The following MMD2 variants were observed in gnomAD, a reference collection of about 807,000 sequenced individuals.
The protein encoded by MMD2 is monocyte to macrophage differentiation associated 2, also known as monocyte to macrophage differentiation factor 2.
A neutral mutation model predicts 33.5 loss-of-function variants in MMD2; 30 were observed. That is an observed-to-expected ratio of 0.90 (90% CI 0.67 to 1.22). The LOEUF is 1.22. Among genes scored for constraint, MMD2 ranks in the 50% most tolerant of loss-of-function variants. The pLI is 0.00. For missense variants in MMD2, 364 were observed against 325.4 expected (o/e 1.12, Z -0.91); for synonymous variants, 129 against 123.0 (o/e 1.05, Z -0.32).
rs1195222326 is a variant in MMD2 at position 4,907,506 on chromosome 7, C to A, written c.631G>T (p.Ala211Ser). Residue 211 changes from alanine (A) to serine (S), a missense_variant, in exon 7 of 7, where the codon GCC becomes TCC. By Grantham distance (99) the Ala-to-Ser change is moderately conservative. Transcript: ENST00000401401. ...ACAAAGAGATGCCAGATGGCGTGGG[C>A]AAAGGGGATCCTCCCGTCACTCTTG... ...FFKSDGRIPF[A>S]HAIWHLFVAF... 8.7e-6 allele frequency: 14 copies of A among 1,613,898 alleles called. No individual in the cohort carries two copies. The highest frequency in any genetic ancestry group is 1.3e-5 in the African/African-American group (1 of 75,056).
downstream of MMD2, among the ~76,000 whole-genome samples, chr7:4,903,478 A>C (rs533471568): frequency 4.5e-4 from 69 of 152,148 alleles, no homozygotes; most frequent in African/African-American, 1.5e-3. Context: ...CGCCACTCAC[A>C]CCACACCTTC....
intron 1 of MMD2, among the ~76,000 whole-genome samples, chr7:4,938,362 C>T (rs1184821455): frequency 6.6e-6 from 1 of 152,020 alleles, no homozygotes. Context: ...GATCTAGGGA[C>T]TGTGTCTGGT....
intron 1 of MMD2, among the ~76,000 whole-genome samples, chr7:4,933,141 C>T (rs1193564067): frequency 2.0e-5 from 3 of 152,012 alleles, no homozygotes; most frequent in Non-Finnish European, 2.9e-5. Flanking sequence ...TTTGGGAGGC[C>T]GAGGCGAGAG....
At chr7:4,949,672 T>C (rs2115157911) in intron 1 of MMD2, among the ~76,000 whole-genome samples, 1 of 151,960 alleles carries the variant, frequency 6.6e-6, no homozygotes, top group East Asian at 1.9e-4. Context: ...CCACCACACC[T>C]GGCTAATTTT....
chr7:4,915,590 A>G (rs1297265396), intron 4 of MMD2, among the ~76,000 whole-genome samples: 1 of 151,848 alleles, frequency 6.6e-6, no homozygotes, highest in Admixed American at 6.6e-5. Context: ...AAATACAAAA[A>G]TTAGCTGGGC....
intron 1 of MMD2, among the ~76,000 whole-genome samples, chr7:4,933,749 C>T (rs1785659460): frequency 6.6e-6 from 1 of 151,996 alleles, no homozygotes; most frequent in Non-Finnish European, 1.5e-5. Flanking sequence ...CCTCCTGCCT[C>T]AGCCTCCCAA....
the MMD2 span, among the ~76,000 whole-genome samples, chr7:4,895,044 G>C: frequency 3.3e-5 from 5 of 151,168 alleles, no homozygotes; most frequent in African/African-American, 1.2e-4. Flanking sequence ...ACGCTCAGCC[G>C]CTTGCATCCC....
rs995725426 is a variant in MMD2, at chr7:4,910,011, C to A, written c.468-61G>T. The A allele has an allele frequency of 3.1e-6, 5 of 1,613,838 alleles. No individual in the cohort carries two copies. Among genetic ancestry groups the A allele is most frequent in the Non-Finnish European group, 4.2e-6 (5 of 1,179,912 alleles). ...TGCCTCCCCACGAAGAAACTGCACA[C>A]AGCTCCCTGTTCTTGGGGAAGAGGG... On this transcript the variant is annotated intron_variant, in intron 5 of 6. Coordinates refer to ENST00000401401, the MANE Select transcript of MMD2 (RefSeq NM_198403.4).
chr7:4,920,423 G>C, intron 2 of MMD2, 92 bp from the exon 3 acceptor site: 1 of 1,302,576 alleles, frequency 7.7e-7, no homozygotes, highest in South Asian at 1.4e-5. Context: ...GCCCAACGTG[G>C]CAGCACTCGG....
At chr7:4,913,381 C>G (rs1170319600) in intron 4 of MMD2, among the ~76,000 whole-genome samples, 4 of 152,140 alleles carry the variant, frequency 2.6e-5, no homozygotes, top group Non-Finnish European at 5.9e-5. Context: ...ATAAAATTCA[C>G]TTGGACTCTA....
chr7:4,909,789 A>G, intron 6 of MMD2, 92 bp downstream of exon 6: 1 of 1,520,402 alleles, frequency 6.6e-7, no homozygotes, highest in Non-Finnish European at 8.9e-7. Context: ...CTGCCAAAGG[A>G]GAGGGTTTGT....
At chr7:4,917,281 G>T (rs551364957) in intron 3 of MMD2, among the ~76,000 whole-genome samples, 10 of 152,208 alleles carry the variant, frequency 6.6e-5, no homozygotes, top group South Asian at 6.2e-4. Context: ...TGTAAAACAC[G>T]GAGGATGCCA....
chr7:4,951,231 T>C (rs1309846779), intron 1 of MMD2, among the ~76,000 whole-genome samples: 1 of 152,062 alleles, frequency 6.6e-6, no homozygotes, highest in Non-Finnish European at 1.5e-5. Flanking sequence ...AAAAGTAGCT[T>C]CTGTCCCTTT....
At chr7:4,935,617 G>A (rs1197577164) in intron 1 of MMD2, among the ~76,000 whole-genome samples, 3 of 147,488 alleles carry the variant, frequency 2.0e-5, no homozygotes, top group African/African-American at 7.6e-5. Context: ...GGTTGAGGCT[G>A]CAGTGAGCCA....
rs547906362 is a variant in MMD2, at chr7:4,940,565, C to A, written c.48-15033G>T. Reference sequence around the variant, plus strand: ...CCGGCCGTGCTAAGCCTCTCTCCCCCTCTCCGCTTGGCCCTGGCCGCTTCT... The same window carrying A: ...CCGGCCGTGCTAAGCCTCTCTCCCCATCTCCGCTTGGCCCTGGCCGCTTCT... On this transcript the variant is annotated intron_variant, in intron 1 of 6. Transcript: ENST00000401401. The surrounding 1 kb of genome is among the most constrained non-coding windows in gnomAD (Gnocchi z 5.0). Among the ~76,000 whole-genome samples, 6 of 152,384 alleles carry A rather than the reference C, an allele frequency of 3.9e-5. No homozygotes were observed. Among genetic ancestry groups the A allele is most frequent in the African/African-American group, 9.6e-5 (4 of 41,596 alleles).
downstream of MMD2, among the ~76,000 whole-genome samples, chr7:4,903,814 C>T (rs1464679209): frequency 1.3e-5 from 2 of 152,218 alleles, no homozygotes; most frequent in Non-Finnish European, 2.9e-5. Flanking sequence ...AGCCTGCTGC[C>T]GACTGCTCTC....
chr7:4,949,081 A>G lies in MMD2; in HGVS notation c.47+9890T>C, dbSNP rs1016201162. ...AAAAATTAGCTGGGCGCAGTGGTGC[A>G]CACCTATAACCCCAGCTACTCGGGA... On this transcript the variant is annotated intron_variant, in intron 1 of 6. Coordinates refer to ENST00000401401, the MANE Select transcript of MMD2 (RefSeq NM_198403.4). Among the ~76,000 whole-genome samples the G allele has an allele frequency of 2.6e-5, 4 of 152,210 alleles. No individual in the cohort carries two copies. In the South Asian group the frequency reaches 8.3e-4, roughly 32 times the overall value.
intron 1 of MMD2, among the ~76,000 whole-genome samples, chr7:4,944,186 G>A (rs1562493181): frequency 6.6e-6 from 1 of 151,680 alleles, no homozygotes; most frequent in Non-Finnish European, 1.5e-5. Context: ...GAGGAGGGAG[G>A]ATCGCTTGAG....
At chr7:4,911,618 TTTCA>T (rs1480792145) in intron 4 of MMD2, among the ~76,000 whole-genome samples, 92 of 151,874 alleles carry the variant, frequency 6.1e-4, no homozygotes, top group East Asian at 1.2e-3. Flanking sequence ...TTTTATTTTA[TTTCA>T]TTTATTTTAT....
Sources: allele counts gnomAD v4.1 joint callset (sites outside exome capture counted in the v4.1 genomes callset), GRCh38; gene constraint gnomAD v4.1.1; non-coding constraint Gnocchi (gnomAD v3.1); transcripts MANE v1.5; gene names NCBI Gene and HGNC (gene_info 2026-07-23, HGNC 2026-07-21).